The following LCA5L variants were observed in gnomAD, a reference collection of about 807,000 sequenced individuals.
The protein encoded by LCA5L is lebercilin LCA5 like.
LCA5L carries 35 observed loss-of-function variants against 45.4 expected under a neutral mutation model. The observed-to-expected ratio is 0.77, with a 90% CI of 0.59 to 1.02. LCA5L has a LOEUF of 1.02. LCA5L is among the 50% of genes least tolerant of loss of function. The pLI is 0.00. For missense variants in LCA5L, 668 were observed against 761.6 expected (o/e 0.88, Z 1.45); for synonymous variants, 233 against 264.7 (o/e 0.88, Z 1.16).
intron 10 of LCA5L, among the ~76,000 whole-genome samples, chr21:39,408,988 AATGTTTGT>A (rs1479997973): frequency 7.9e-4 from 121 of 152,308 alleles, no homozygotes; most frequent in Non-Finnish European, 5.9e-5. Context: ...TTATGAAATG[AATGTTTGT>A]ATTCCTTCCT....
At chr21:39,418,054 C>G (rs748445641) in intron 7 of LCA5L, among the ~76,000 whole-genome samples, 36 of 152,344 alleles carry the variant, frequency 2.4e-4, no homozygotes, top group Non-Finnish European at 4.1e-4. Context: ...GCGTGAGCCA[C>G]CGCGCCCAGC....
rs192344231 is a variant in LCA5L, at chr21:39,416,493, T to C, written c.975+4213A>G. On this transcript the variant is annotated intron_variant, in intron 7 of 10. Transcript: ENST00000288350. The stretch of plus-strand genomic sequence containing the variant: ...TGTATTTCCTGCACCAGACCTAGAA[T>C]TTTTTTAGGGAGCCTTGGTTTGTTT... Among the ~76,000 whole-genome samples the C allele has an allele frequency of 9.7e-4, 147 of 152,250 alleles. 1 individual carries two copies. The highest frequency in any genetic ancestry group is 3.2e-3 in the African/African-American group (134 of 41,538).
At chr21:39,440,822 T>C (rs1490964965) in intron 2 of LCA5L, among the ~76,000 whole-genome samples, 1 of 148,136 alleles carries the variant, frequency 6.8e-6, no homozygotes, top group East Asian at 1.9e-4. Context: ...TCCTATTGAA[T>C]GAAAGGCTTA....
rs760030888 is a variant in LCA5L, at chr21:39,406,265, C to T, written c.1630G>A (p.Ala544Thr). ...CTGTACCTCATGTTGCCGGCATTGGCTGGCCCCCCTGAAGCAGGAAGCCCA... is the reference window on the plus strand; with the variant it reads ...CTGTACCTCATGTTGCCGGCATTGGTTGGCCCCCCTGAAGCAGGAAGCCCA... ...HHGLPASGGP[A>T]NAGNMRYSHS... is the part of the protein sequence containing the mutation. Residue 544 changes from alanine to threonine, a missense_variant, in exon 11 of 11, where the codon GCC (alanine) becomes ACC (threonine). Physicochemically the swap from Ala to Thr is moderately conservative, Grantham distance 58. Coordinates refer to ENST00000288350, the MANE Select transcript of LCA5L (RefSeq NM_152505.4). 1.2e-6 allele frequency: 2 copies of T among 1,614,234 alleles called. No individual in the cohort carries two copies. Among genetic ancestry groups the T allele is most frequent in the East Asian group, 2.2e-5 (1 of 44,886 alleles).
intron 7 of LCA5L, among the ~76,000 whole-genome samples, chr21:39,417,305 G>A (rs1340724376): frequency 6.6e-6 from 1 of 152,200 alleles, no homozygotes; most frequent in Non-Finnish European, 1.5e-5. Flanking sequence ...CTCCCAAAGT[G>A]CTGGGATTAC....
At chr21:39,426,503 G>C (rs2074737512) in intron 5 of LCA5L, among the ~76,000 whole-genome samples, 2 of 152,124 alleles carry the variant, frequency 1.3e-5, no homozygotes, top group African/African-American at 4.8e-5. Flanking sequence ...TTGGGGGTGG[G>C]TTTTAAAGGT....
intron 7 of LCA5L, 80 bp from the exon 8 acceptor site, chr21:39,411,882 G>T: frequency 1.3e-6 from 1 of 756,624 alleles, no homozygotes; most frequent in African/African-American, 1.8e-5. Context: ...CAATTTAAAT[G>T]AGCTCAGTAT....
intron 7 of LCA5L, among the ~76,000 whole-genome samples, chr21:39,412,184 C>T (rs2040201824): frequency 6.6e-6 from 1 of 152,146 alleles, no homozygotes; most frequent in Non-Finnish European, 1.5e-5. Flanking sequence ...GTCAGCCACA[C>T]TATTTGTATT....
intron 7 of LCA5L, among the ~76,000 whole-genome samples, chr21:39,415,455 G>A (rs2040965958): frequency 6.6e-6 from 1 of 152,192 alleles, no homozygotes; most frequent in African/African-American, 2.4e-5. Flanking sequence ...CTCATGTGCT[G>A]TTTCCCACTC....
chr21:39,412,659 G>A (rs1339747884), intron 7 of LCA5L, among the ~76,000 whole-genome samples: 3 of 152,104 alleles, frequency 2.0e-5, no homozygotes, highest in Non-Finnish European at 4.4e-5. Context: ...GTCTCCTTGT[G>A]CCCCTTAGGG....
intron 8 of LCA5L, chr21:39,411,108 C>A: frequency 3.0e-6 from 1 of 333,826 alleles, no homozygotes; most frequent in South Asian, 2.4e-5. Flanking sequence ...ACAAAAGCAG[C>A]CAGATACAAA....
intron 8 of LCA5L, chr21:39,411,206 C>T (rs781559296): frequency 1.2e-5 from 3 of 254,826 alleles, no homozygotes; most frequent in East Asian, 1.0e-4. Context: ...GTGGTTGCCT[C>T]GGGTGAGGTA....
At chr21:39,428,531 A>G (rs777466656) in intron 4 of LCA5L, 28 bp from the exon 5 acceptor site, 7 of 1,247,718 alleles carry the variant, frequency 5.6e-6, no homozygotes, top group African/African-American at 4.8e-5. Context: ...AAACCTAATA[A>G]AAGTATTTTT....
intron 7 of LCA5L, among the ~76,000 whole-genome samples, chr21:39,417,331 T>C (rs1289923275): frequency 6.6e-6 from 1 of 152,216 alleles, no homozygotes; most frequent in Non-Finnish European, 1.5e-5. Flanking sequence ...TGAGCCACTG[T>C]ACCCAGCTGC....
chr21:39,433,414 C>CA (rs765560945), intron 3 of LCA5L, among the ~76,000 whole-genome samples: 14,670 of 61,958 alleles, frequency 0.24, 1,512 homozygotes, highest in Middle Eastern at 0.33. Context: ...AACTCTGTCT[C>CA]AAAAAAAAAA....
intron 7 of LCA5L, among the ~76,000 whole-genome samples, chr21:39,413,413 C>T (rs2040454915): frequency 6.6e-6 from 1 of 152,230 alleles, no homozygotes; most frequent in Non-Finnish European, 1.5e-5. Context: ...CTGCCATCCT[C>T]ATCCCTAATT....
At position 39,408,026 on chromosome 21, in the gene LCA5L, A is replaced by G. The variant is rs2039405740; in HGVS notation, c.1283-1414T>C. On this transcript the variant is annotated intron_variant, in intron 10 of 10. Coordinates refer to ENST00000288350, the MANE Select transcript of LCA5L (RefSeq NM_152505.4). ...CCAATGTGTTCAACAAGGGCTCTCC[A>G]TGCTGCCTAAGGGAACACATCTGAT... is the stretch of plus-strand genomic sequence containing the variant. The G allele has an allele frequency of 2.0e-5, 3 of 152,246 alleles. No homozygotes were observed. In the South Asian group the frequency reaches 6.2e-4, roughly 31 times the overall value. 9.4% of individuals were successfully genotyped at this position (152,246 alleles called of 1,614,324 possible).
chr21:39,422,705 G>GAA (rs997411472), intron 6 of LCA5L: 15 of 521,496 alleles, frequency 2.9e-5, no homozygotes, highest in Non-Finnish European at 4.7e-5. Context: ...CTCTCTTAGA[G>GAA]AATGGTCATT....
At chr21:39,437,439 C>T (rs56812456) in intron 2 of LCA5L, among the ~76,000 whole-genome samples, 34,994 of 151,964 alleles carry the variant, frequency 0.23, 4,525 homozygotes, top group African/African-American at 0.35. Flanking sequence ...AAATTGACAC[C>T]ATAGGTTACA....
Sources: gnomAD v4.1 joint callset for allele counts (sites outside exome capture counted in the v4.1 genomes callset) on GRCh38, gnomAD v4.1.1 for gene constraint, MANE v1.5 for transcripts, NCBI Gene and HGNC (gene_info 2026-07-23, HGNC 2026-07-21) for gene names.